CHST9: variants seen among roughly 807,000 people sequenced by gnomAD.
CHST9 encodes the protein GalNAc-4-sulfotransferase 2.
CHST9 carries 41 observed loss-of-function variants against 44.4 expected under a neutral mutation model. That is an observed-to-expected ratio of 0.92 (90% CI 0.72 to 1.20). The LOEUF is 1.20. Ranked by LOEUF, CHST9 falls within the 50% of genes most tolerant of loss-of-function variation. The probability of loss-of-function intolerance (pLI) is 0.00; values close to 1 mark genes in which losing one functional copy is unlikely to be tolerated. For synonymous variants in CHST9, 171 were observed against 178.4 expected, an observed-to-expected ratio of 0.96 and a Z score of 0.33; for missense variants, 504 against 516.5, an observed-to-expected ratio of 0.98 and a Z score of 0.23.
At chr18:27,062,546 T>TATCCAGTCTATCATTC (rs2057736860) in intron 2 of CHST9, among the ~76,000 whole-genome samples, 1 of 152,180 alleles carries the variant, frequency 6.6e-6, no homozygotes, top group Non-Finnish European at 1.5e-5. Context: ...CACATTTTCT[T>TATCCAGTCTATCATTC]ATCCAGTCTA....
chr18:27,066,153 AAGG>A (rs1209389463), intron 2 of CHST9, among the ~76,000 whole-genome samples: 2 of 152,242 alleles, frequency 1.3e-5, no homozygotes, highest in Admixed American at 6.5e-5. Flanking sequence ...ACAAAGTCAA[AAGG>A]AGAAGAACTT....
intron 2 of CHST9, among the ~76,000 whole-genome samples, chr18:27,108,168 G>A (rs1233373890): frequency 6.6e-6 from 1 of 152,054 alleles, no homozygotes; most frequent in Non-Finnish European, 1.5e-5. Flanking sequence ...TATTAGGCCT[G>A]CATGACTCTT....
intron 2 of CHST9, among the ~76,000 whole-genome samples, chr18:27,089,001 T>G (rs191293633): frequency 6.6e-6 from 1 of 152,188 alleles, no homozygotes; most frequent in African/African-American, 2.4e-5. Flanking sequence ...ATGATTTGAT[T>G]TGATATTAAA....
rs139462408 is a variant in CHST9, at chr18:27,015,195, T to C, written c.202+8921A>G. Among the ~76,000 whole-genome samples the C allele has an allele frequency of 6.6e-5, 10 of 152,330 alleles. No homozygotes were observed. In the East Asian group the frequency reaches 1.9e-3, roughly 29 times the overall value. On this transcript the variant is annotated intron_variant, in intron 4 of 5. Coordinates refer to ENST00000618847, the MANE Select transcript of CHST9 (RefSeq NM_031422.6). ...TCTTGTAGCTGGTGCATTCTGGCTGTGCTGCAAGCTCAACGGCCTGGAATT... is the reference window on the plus strand; with the variant it reads ...TCTTGTAGCTGGTGCATTCTGGCTGCGCTGCAAGCTCAACGGCCTGGAATT...
At chr18:27,050,773 C>T (rs2057556923) in intron 2 of CHST9, among the ~76,000 whole-genome samples, 1 of 152,120 alleles carries the variant, frequency 6.6e-6, no homozygotes, top group African/African-American at 2.4e-5. Flanking sequence ...CTGGGCAAGC[C>T]ACTGCTTACT....
chr18:27,128,488 T>C (rs2058444587), intron 2 of CHST9, among the ~76,000 whole-genome samples: 1 of 152,168 alleles, frequency 6.6e-6, no homozygotes, highest in African/African-American at 2.4e-5. Context: ...CAGGCTGGTC[T>C]CGAACTCCTG....
chr18:27,005,376 T>C (rs79229833), intron 4 of CHST9, among the ~76,000 whole-genome samples: 2,924 of 152,248 alleles, frequency 0.019, 111 homozygotes, highest in African/African-American at 0.067. Flanking sequence ...TCTTTTCTTC[T>C]CTCTTTAAAA....
chr18:27,082,371 G>T (rs2143685318), intron 2 of CHST9, among the ~76,000 whole-genome samples: 1 of 152,154 alleles, frequency 6.6e-6, no homozygotes, highest in Admixed American at 6.5e-5. Context: ...AATGTTATAT[G>T]GAAAAACATA....
At chr18:27,140,808 T>A (rs1373042844) in intron 2 of CHST9, among the ~76,000 whole-genome samples, 1 of 152,228 alleles carries the variant, frequency 6.6e-6, no homozygotes, top group African/African-American at 2.4e-5. Flanking sequence ...AATATGATGT[T>A]ATTATGATAA....
At chr18:26,962,625 TATCTC>T (rs1301665422) in intron 4 of CHST9, among the ~76,000 whole-genome samples, 2 of 152,154 alleles carry the variant, frequency 1.3e-5, no homozygotes, top group African/African-American at 2.4e-5. Context: ...TTTTTTAACT[TATCTC>T]AATCTGAATG....
At chr18:26,938,540 T>C (rs1051853318) in intron 5 of CHST9, among the ~76,000 whole-genome samples, 1 of 152,178 alleles carries the variant, frequency 6.6e-6, no homozygotes, top group African/African-American at 2.4e-5. Flanking sequence ...TGCGTGGCCA[T>C]TTTGATAAGA....
chr18:27,043,317 G>A (rs1439646959), intron 3 of CHST9, among the ~76,000 whole-genome samples: 1 of 151,892 alleles, frequency 6.6e-6, no homozygotes, highest in Non-Finnish European at 1.5e-5. Context: ...GAAGTTCTAG[G>A]CTCTATTGCC....
chr18:26,969,388 G>A (rs940117865), intron 4 of CHST9, among the ~76,000 whole-genome samples: 2 of 65,720 alleles, frequency 3.0e-5, no homozygotes, highest in African/African-American at 8.5e-5. Flanking sequence ...GTGTGTGTGT[G>A]TGTGTGTGTG....
chr18:27,048,667 G>A (rs2057532443), intron 2 of CHST9, among the ~76,000 whole-genome samples, 164 bp from the exon 3 acceptor site: 2 of 152,118 alleles, frequency 1.3e-5, no homozygotes, highest in African/African-American at 4.8e-5. Flanking sequence ...CATAAGAACT[G>A]CTTACAAACC....
intron 2 of CHST9, among the ~76,000 whole-genome samples, chr18:27,133,566 G>A (rs917582420): frequency 6.6e-6 from 1 of 152,196 alleles, no homozygotes; most frequent in Non-Finnish European, 1.5e-5. Flanking sequence ...GCAGCTGTGG[G>A]ACACTGGTGA....
chr18:27,110,431 T>G (rs1477314076), intron 2 of CHST9, among the ~76,000 whole-genome samples: 6 of 152,190 alleles, frequency 3.9e-5, no homozygotes, highest in African/African-American at 7.2e-5. Flanking sequence ...GATATTTACT[T>G]TCTCTGAAAG....
At chr18:27,098,214 A>T (rs9961515) in intron 2 of CHST9, among the ~76,000 whole-genome samples, 5,695 of 152,078 alleles carry the variant, frequency 0.037, 334 homozygotes, top group African/African-American at 0.13. Flanking sequence ...AAAAAGCTCA[A>T]CATGACTGGT....
chr18:27,175,682 T>C (rs1254067101), intron 1 of CHST9, among the ~76,000 whole-genome samples: 2 of 152,072 alleles, frequency 1.3e-5, no homozygotes, highest in Admixed American at 6.6e-5. Context: ...ATATGGCACA[T>C]GTGTATAACT....
At chr18:27,058,581 C>G (rs922021337) in intron 2 of CHST9, among the ~76,000 whole-genome samples, 1 of 152,102 alleles carries the variant, frequency 6.6e-6, no homozygotes, top group African/African-American at 2.4e-5. Flanking sequence ...ATCAGACAAC[C>G]CTAAGACCAC....
Sources: allele counts gnomAD v4.1 joint callset (sites outside exome capture counted in the v4.1 genomes callset), GRCh38; gene constraint gnomAD v4.1.1; transcripts MANE v1.5; gene names NCBI Gene and HGNC (gene_info 2026-07-23, HGNC 2026-07-21).